HDAC10: variants seen among roughly 807,000 people sequenced by gnomAD.
HDAC10 encodes polyamine deacetylase HDAC10.
Under a neutral mutation model 82.3 loss-of-function variants are expected in HDAC10, and 90 were observed. That is an observed-to-expected ratio of 1.09 (90% confidence interval 0.92 to 1.30). HDAC10 has a LOEUF of 1.30. HDAC10 is among the 50% of genes most tolerant of loss of function. HDAC10 has a pLI of 0.00. For synonymous variants in HDAC10, 456 were observed against 391.7 expected, an observed-to-expected ratio of 1.16 and a Z score of -1.94; for missense variants, 934 against 876.3, an observed-to-expected ratio of 1.07 and a Z score of -0.83.
Position 50,246,380 on chromosome 22 carries a change from C to T in HDAC10, c.1572-4G>A. 2 of 1,610,864 alleles carry T rather than the reference C, an allele frequency of 1.2e-6. No homozygotes were observed. The highest frequency in any genetic ancestry group is 1.7e-6 in the Non-Finnish European group (2 of 1,179,058). ...GATGTTCAGCCACAGACTCCTCCTT[C>T]CAGGACACAGGTGCATAAGTGTAAG... On this transcript the variant is annotated splice_polypyrimidine_tract_variant and splice_region_variant and intron_variant, in intron 16 of 19. Transcript: ENST00000216271.
Position 50,248,020 on chromosome 22 carries a change from A to C in HDAC10, c.1207T>G (p.Cys403Gly), listed in dbSNP as rs757002914. The change falls in exon 13 of 20, where the codon TGC becomes GGC. Residue 403 changes from cysteine to glycine, a missense_variant. Coordinates refer to ENST00000216271, the MANE Select transcript of HDAC10 (RefSeq NM_032019.6). This position sits in a 1 kb window ranked among gnomAD's most constrained non-coding sequence, Gnocchi z 5.4. ...SAPSSLLDQP[C>G]LCPAPSVRTA... is the part of the protein sequence containing the mutation. ...CGGACAGAGGGTGCGGGGCAGAGGC[A>C]CGGCTGGTCCAGGAGGGAGCTCGGT... The C allele has an allele frequency of 2.0e-5, 33 of 1,612,630 alleles. No homozygotes were observed. The highest frequency in any genetic ancestry group is 3.3e-5 in the Admixed American group (2 of 59,980).
chr22:50,248,136 G>A lies in HDAC10; in HGVS notation c.1091C>T (p.Ala364Val). 6.3e-7 allele frequency: 1 copy of A among 1,585,062 alleles called. No individual in the cohort carries two copies. The change falls in exon 13 of 20, where the codon GCT (alanine) becomes GTT (valine). Residue 364 changes from alanine to valine, a missense_variant. Coordinates refer to ENST00000216271, the MANE Select transcript of HDAC10 (RefSeq NM_032019.6). This position sits in a 1 kb window ranked among gnomAD's most constrained non-coding sequence, Gnocchi z 5.4. ...WKSLQQQDVTAVPMSPSSHSP... is the reference protein window; with the variant it reads ...WKSLQQQDVTVVPMSPSSHSP... The stretch of plus-strand genomic sequence containing the variant: ...GTGGCTGCTGGGGCTCATCGGCACA[G>A]CGGTCACATCTAGGGACAGTTCGGA...
intron 2 of HDAC10, 103 bp from the exon 3 acceptor site, chr22:50,250,626 T>A: frequency 7.6e-7 from 1 of 1,320,476 alleles, no homozygotes; most frequent in Non-Finnish European, 1.1e-6. Flanking sequence ...ACCCTGTCAC[T>A]TCCTCAAGCC....
chr22:50,250,882 G>A lies in HDAC10; in HGVS notation c.83C>T (p.Pro28Leu), dbSNP rs146669691. ...ATCCAGGGCTGCGGTCAGGCGCTCA[G>A]GACGCTCGATCTCGCACTCGGGGCT... ...WDDPECEIER[P>L]ERLTAALDRL... Residue 28 changes from proline (P) to leucine (L), a missense_variant, in exon 2 of 20, where the codon CCT (proline) becomes CTT (leucine). By Grantham distance (98) the Pro-to-Leu change is moderately conservative. Transcript: ENST00000216271. The A allele has an allele frequency of 2.7e-4, 428 of 1,601,612 alleles. 3 individuals are homozygous for A. Among genetic ancestry groups the A allele is most frequent in the South Asian group, 1.8e-3 (159 of 89,660 alleles).
Position 50,248,363 on chromosome 22 carries a change from C to A in HDAC10, c.1013+3G>T, listed in dbSNP as rs1341852694. Reference sequence around the variant, plus strand: ...GCCCTGCCCGCCCTACCTCCCCTCGCACCTCTGACATGGCGCCATTGGCCC... The same window carrying A: ...GCCCTGCCCGCCCTACCTCCCCTCGAACCTCTGACATGGCGCCATTGGCCC... On this transcript the variant is annotated splice_donor_region_variant and intron_variant, in intron 11 of 19. Transcript: ENST00000216271. The surrounding 1 kb of genome is among the most constrained non-coding windows in gnomAD (Gnocchi z 5.4). 1 of 1,610,980 alleles carries A rather than the reference C, an allele frequency of 6.2e-7. No individual in the cohort carries two copies. The highest frequency in any genetic ancestry group is 1.3e-5 in the African/African-American group (1 of 75,014).
In HDAC10 at chr22:50,250,920, G is replaced by A. The variant is rs753366921; in HGVS notation, c.60-15C>T. On this transcript the variant is annotated splice_polypyrimidine_tract_variant and intron_variant, in intron 1 of 19. Coordinates refer to ENST00000216271, the MANE Select transcript of HDAC10 (RefSeq NM_032019.6). Reference sequence around the variant, plus strand: ...CGCACTCGGGGCTGGGGCAGATGAGGAGCTCAGTTCAGAGGTCCCTCCCCG... The same window carrying A: ...CGCACTCGGGGCTGGGGCAGATGAGAAGCTCAGTTCAGAGGTCCCTCCCCG... 2 of 1,606,640 alleles carry A rather than the reference G, an allele frequency of 1.2e-6. No homozygotes were observed. The highest frequency in any genetic ancestry group is 2.2e-5 in the South Asian group (2 of 90,190).
In HDAC10 at chr22:50,245,841, G is replaced by C; in HGVS notation, c.1834-14C>G. On this transcript the variant is annotated splice_polypyrimidine_tract_variant and intron_variant, in intron 18 of 19. Transcript: ENST00000216271. ...GGGTGTGGAGTTCTGGACCAGGGGC[G>C]AAGACGGAAGCAGTCACTGGTCCTT... 1.9e-6 allele frequency: 3 copies of C among 1,560,408 alleles called. No homozygotes were observed. Among genetic ancestry groups the C allele is most frequent in the Non-Finnish European group, 2.6e-6 (3 of 1,152,164 alleles).
Position 50,249,850 on chromosome 22 carries a change from T to C in HDAC10, c.494+10A>G. ...TGGGCCCACCCCCCTGCAGCCAGCC[T>C]GGCACACACCTGTGTAGCCCGTGTT... On this transcript the variant is annotated intron_variant, in intron 5 of 19. Coordinates refer to ENST00000216271, the MANE Select transcript of HDAC10 (RefSeq NM_032019.6). This position sits in a 1 kb window ranked among gnomAD's most constrained non-coding sequence, Gnocchi z 4.4. The C allele has an allele frequency of 6.2e-7, 1 of 1,610,398 alleles. No individual in the cohort carries two copies. The highest frequency in any genetic ancestry group is 8.5e-7 in the Non-Finnish European group (1 of 1,177,910).
chr22:50,245,881 C>G (rs764891465), intron 18 of HDAC10, 29 bp downstream of exon 18: 7 of 1,554,048 alleles, frequency 4.5e-6, no homozygotes, highest in Non-Finnish European at 6.1e-6. Flanking sequence ...TCGTCCCACC[C>G]CGCAGCACCT....
Position 50,248,259 on chromosome 22 carries a change from G to A in HDAC10, c.1047C>T (p.Ala349=), listed in dbSNP as rs1321910554. 4 of 1,612,500 alleles carry A rather than the reference G, an allele frequency of 2.5e-6. No individual in the cohort carries two copies. The highest frequency in any genetic ancestry group is 3.4e-6 in the Non-Finnish European group (4 of 1,179,920). ...ALESIQSARA[A]QAPHWKSLQQ... is the part of the protein sequence containing the mutation. ...GGAGGCTCTTCCAGTGCGGGGCCTG[G>A]GCAGCACGGGCACTCTGGATGGACT... Residue 349 remains alanine (A), a synonymous_variant, in exon 12 of 20, where the codon GCC becomes GCT. Transcript: ENST00000216271. The surrounding 1 kb of genome is among the most constrained non-coding windows in gnomAD (Gnocchi z 5.4).
Position 50,249,718 on chromosome 22 carries a change from C to T in HDAC10, c.495-15G>A, listed in dbSNP as rs780500823. ...CGACGAGGATCCTGGGTACAGACAG[C>T]GCTGGTGGCAAAGGGGCAGGGCCTC... On this transcript the variant is annotated splice_polypyrimidine_tract_variant and intron_variant, in intron 5 of 19. Coordinates refer to ENST00000216271, the MANE Select transcript of HDAC10 (RefSeq NM_032019.6). The surrounding 1 kb of genome is among the most constrained non-coding windows in gnomAD (Gnocchi z 4.4). The T allele has an allele frequency of 5.6e-6, 9 of 1,612,366 alleles. No homozygotes were observed. Among genetic ancestry groups the T allele is most frequent in the East Asian group, 2.2e-5 (1 of 44,846 alleles).
At chr22:50,250,722 C>T (rs1394274688) in intron 2 of HDAC10, 49 bp downstream of exon 2, 5 of 1,505,102 alleles carry the variant, frequency 3.3e-6, no homozygotes, top group Admixed American at 4.2e-5. Flanking sequence ...AGGTTTCTAG[C>T]TGGGCTGCCC....
Position 50,248,922 on chromosome 22 carries a change from CAGAG to C in HDAC10, c.757-36_757-33del, listed in dbSNP as rs771193478. 3.1e-6 allele frequency: 5 copies of C among 1,601,334 alleles called. No individual in the cohort carries two copies. Among genetic ancestry groups the C allele is most frequent in the African/African-American group, 2.7e-5 (2 of 74,776 alleles). ...GCCAGGCCGGAGTGGGGAGGGTCGA[CAGAG>C]AGGGGCTGGAGCCCAGGTGAGGGCG... is the stretch of plus-strand genomic sequence containing the variant. On this transcript the variant is annotated intron_variant, in intron 8 of 19. Coordinates refer to ENST00000216271, the MANE Select transcript of HDAC10 (RefSeq NM_032019.6). The surrounding 1 kb of genome is among the most constrained non-coding windows in gnomAD (Gnocchi z 5.4).
In HDAC10 at chr22:50,250,426, C is replaced by G; in HGVS notation, c.291+1G>C. ...AGGTGAGTGTGTCCGGGGACACGCA[C>G]CGGGTGGAAGTAGATGGCGTCGAAC... On this transcript the variant is annotated splice_donor_variant, in intron 3 of 19. Coordinates refer to ENST00000216271, the MANE Select transcript of HDAC10 (RefSeq NM_032019.6). LOFTEE classifies it high-confidence loss of function. 31 of 1,612,658 alleles carry G rather than the reference C, an allele frequency of 1.9e-5. No individual in the cohort carries two copies. Among genetic ancestry groups the G allele is most frequent in the Non-Finnish European group, 2.6e-5 (31 of 1,179,722 alleles).
Position 50,250,756 on chromosome 22 carries a change from T to TA in HDAC10, c.194+14_194+15insT, listed in dbSNP as rs1433502209. ...CCGCCCCGCCCCCCATCGTGGGGCC[T>TA]GCCCCCGTCCTGACCTGTGCACCAG... is the stretch of plus-strand genomic sequence containing the variant. On this transcript the variant is annotated intron_variant, in intron 2 of 19. Transcript: ENST00000216271. 1.3e-6 allele frequency: 2 copies of TA among 1,563,668 alleles called. No homozygotes were observed. Among genetic ancestry groups the TA allele is most frequent in the South Asian group, 2.4e-5 (2 of 84,464 alleles).
Position 50,250,268 on chromosome 22 carries a change from G to A in HDAC10, c.292-108C>T, listed in dbSNP as rs970686010. 3.2e-6 allele frequency: 4 copies of A among 1,256,244 alleles called. No homozygotes were observed. In the African/African-American group the frequency reaches 4.4e-5, roughly 14 times the overall value. 77.8% of individuals were successfully genotyped at this position (1,256,244 alleles called of 1,614,324 possible). ...AGACACCAGCTGCTGAGCAGAACAGGCCAGCCCCAGGCTCTGGCAGTGCCA... is the reference window on the plus strand; with the variant it reads ...AGACACCAGCTGCTGAGCAGAACAGACCAGCCCCAGGCTCTGGCAGTGCCA... On this transcript the variant is annotated intron_variant, in intron 3 of 19. Coordinates refer to ENST00000216271, the MANE Select transcript of HDAC10 (RefSeq NM_032019.6).
Position 50,248,347 on chromosome 22 carries a change from G to T in HDAC10, c.1013+19C>A. 6.2e-7 allele frequency: 1 copy of T among 1,611,066 alleles called. No homozygotes were observed. ...CTGGTCTCACACCCCGGCCCTGCCCGCCCTACCTCCCCTCGCACCTCTGAC... is the reference window on the plus strand; with the variant it reads ...CTGGTCTCACACCCCGGCCCTGCCCTCCCTACCTCCCCTCGCACCTCTGAC... On this transcript the variant is annotated intron_variant, in intron 11 of 19. Coordinates refer to ENST00000216271, the MANE Select transcript of HDAC10 (RefSeq NM_032019.6). The surrounding 1 kb of genome is among the most constrained non-coding windows in gnomAD (Gnocchi z 5.4).
intron 14 of HDAC10, 53 bp from the exon 15 acceptor site, chr22:50,247,019 G>A (rs1006749982): frequency 1.7e-6 from 2 of 1,162,224 alleles, no homozygotes; most frequent in Admixed American, 4.4e-5. Context: ...TCCCAAGCCA[G>A]GTAAACAGAT....
intron 2 of HDAC10, 111 bp from the exon 3 acceptor site, chr22:50,250,634 G>T: frequency 7.6e-7 from 1 of 1,315,686 alleles, no homozygotes; most frequent in Non-Finnish European, 1.1e-6. Context: ...ACTTCCTCAA[G>T]CCTGTGAGCC....
Sources: gnomAD v4.1 joint callset for allele counts on GRCh38, gnomAD v4.1.1 for gene constraint, Gnocchi (gnomAD v3.1) non-coding constraint, MANE v1.5 for transcripts, NCBI Gene and HGNC (gene_info 2026-07-23, HGNC 2026-07-21) for gene names.